Variants in DLGAP1 observed in about 807,000 individuals in gnomAD.
DLGAP1 encodes the protein DLG associated protein 1, also known as disks large-associated protein 1.
DLGAP1 carries 11 observed loss-of-function variants against 90.8 expected under a neutral mutation model. The ratio of observed to expected loss-of-function variants is 0.12; its 90% CI spans 0.08 to 0.20. The LOEUF (loss-of-function observed/expected upper bound fraction) is 0.20, where lower values mean the gene tolerates loss of function less well. DLGAP1 is among the 10% of genes least tolerant of loss of function. DLGAP1 has a pLI of 1.00. For synonymous variants in DLGAP1, 558 were observed against 540.7 expected, an observed-to-expected ratio of 1.03 and a Z score of -0.44; for missense variants, 1,050 against 1,333.8, an observed-to-expected ratio of 0.79 and a Z score of 3.31.
At chr18:3,728,543 G>A (rs2062282675) in intron 7 of DLGAP1, among the ~76,000 whole-genome samples, 1 of 151,920 alleles carries the variant, frequency 6.6e-6, no homozygotes, top group African/African-American at 2.4e-5. Context: ...GGGAAAAGGA[G>A]GTGCTATTTA....
chr18:4,034,179 T>G (rs2074850545), intron 2 of DLGAP1, among the ~76,000 whole-genome samples: 1 of 151,256 alleles, frequency 6.6e-6, no homozygotes, highest in South Asian at 2.1e-4. Flanking sequence ...GTAGCTGGGA[T>G]TACAAGCGCC....
intron 8 of DLGAP1, among the ~76,000 whole-genome samples, chr18:3,568,894 G>A (rs988067211): frequency 2.6e-5 from 4 of 151,634 alleles, no homozygotes; most frequent in Non-Finnish European, 4.4e-5. Flanking sequence ...CACTGTGTTA[G>A]CCAGGATGGT....
intron 2 of DLGAP1, among the ~76,000 whole-genome samples, chr18:4,133,010 T>C (rs1405985342): frequency 6.6e-6 from 1 of 152,172 alleles, no homozygotes; most frequent in Non-Finnish European, 1.5e-5. Context: ...TGAGACTTAC[T>C]TTCTTCATCT....
chr18:3,564,867 G>A (rs1037242635), intron 9 of DLGAP1, among the ~76,000 whole-genome samples: 1 of 152,204 alleles, frequency 6.6e-6, no homozygotes, highest in African/African-American at 2.4e-5. Flanking sequence ...TTCTCTAAGA[G>A]ATATACAAAG....
chr18:3,879,670 G>A lies in DLGAP1; in HGVS notation c.399C>T (p.Asp133=). 1 of 1,606,604 alleles carries A rather than the reference G, an allele frequency of 6.2e-7. No individual in the cohort carries two copies. The highest frequency in any genetic ancestry group is 8.5e-7 in the Non-Finnish European group (1 of 1,179,522). ...YKRTAVEHRS[D]SPGRIRHLVH... is the part of the protein sequence containing the mutation. Reference sequence around the variant, plus strand: ...CCAGGTGGCGGATGCGGCCGGGGCTGTCGCTGCGGTGCTCCACGGCCGTGC... The same window carrying A: ...CCAGGTGGCGGATGCGGCCGGGGCTATCGCTGCGGTGCTCCACGGCCGTGC... The change falls in exon 4 of 13, where the codon GAC becomes GAT. Residue 133 remains aspartate, a synonymous_variant. Transcript: ENST00000315677. This position sits in a 1 kb window ranked among gnomAD's most constrained non-coding sequence, Gnocchi z 6.6.
intron 4 of DLGAP1, among the ~76,000 whole-genome samples, chr18:3,830,147 C>G (rs1312700107): frequency 6.6e-6 from 1 of 152,190 alleles, no homozygotes; most frequent in South Asian, 2.1e-4. Context: ...AGCAAGGTGC[C>G]TGGCATGTCA....
At position 4,400,602 on chromosome 18, in the gene DLGAP1, C is replaced by T. The variant is rs565985047; in HGVS notation, c.-267+54404G>A. 6.6e-5 allele frequency among the ~76,000 whole-genome samples: 10 copies of T among 152,158 alleles called. No homozygotes were observed. In the South Asian group the frequency reaches 1.0e-3, roughly 16 times the overall value. Reference sequence around the variant, plus strand: ...CACAGAATGTTCTTTGTGGGGCTCTCGGGGGAGCAACTGGTAGACACAGCA... The same window carrying T: ...CACAGAATGTTCTTTGTGGGGCTCTTGGGGGAGCAACTGGTAGACACAGCA... On this transcript the variant is annotated intron_variant, in intron 1 of 12. Transcript: ENST00000315677.
intron 2 of DLGAP1, among the ~76,000 whole-genome samples, chr18:4,038,532 G>T (rs1025730271): frequency 1.3e-5 from 2 of 152,026 alleles, no homozygotes; most frequent in East Asian, 1.9e-4. Context: ...TATAAAGTAG[G>T]TTTATTTTTA....
chr18:3,749,261 G>A (rs148735520), intron 5 of DLGAP1, among the ~76,000 whole-genome samples: 2,946 of 148,578 alleles, frequency 0.02, 51 homozygotes, highest in Middle Eastern at 0.089. Context: ...GTGATTCTCC[G>A]CCTCAGCCTC....
intron 7 of DLGAP1, chr18:3,656,324 T>C (rs1403345550): frequency 8.4e-6 from 4 of 473,642 alleles, no homozygotes; most frequent in Non-Finnish European, 1.1e-5. Flanking sequence ...CTAAAACCAT[T>C]TGGGGAAATT....
chr18:4,180,621 A>T (rs2177009), intron 1 of DLGAP1, among the ~76,000 whole-genome samples: 1 of 151,928 alleles, frequency 6.6e-6, no homozygotes, highest in East Asian at 1.9e-4. Flanking sequence ...AAAAAGTTTC[A>T]ATACTAGTAC....
intron 1 of DLGAP1, among the ~76,000 whole-genome samples, chr18:4,272,428 G>A (rs886644968): frequency 6.6e-6 from 1 of 152,102 alleles, no homozygotes; most frequent in African/African-American, 2.4e-5. Context: ...TCACTAAATA[G>A]TATCCCTGAG....
intron 7 of DLGAP1, among the ~76,000 whole-genome samples, chr18:3,710,075 C>T (rs342480): frequency 0.64 from 96,779 of 152,100 alleles, 32,520 homozygotes; most frequent in African/African-American, 0.85. Flanking sequence ...GTGATTCTTC[C>T]TGTGTGGCTA....
chr18:4,026,733 A>G (rs904256616), intron 2 of DLGAP1, among the ~76,000 whole-genome samples: 11 of 152,210 alleles, frequency 7.2e-5, no homozygotes, highest in African/African-American at 2.2e-4. Flanking sequence ...CTGGGCTATG[A>G]AATAGTCTAT....
At chr18:4,171,506 A>G (rs897761451) in intron 1 of DLGAP1, among the ~76,000 whole-genome samples, 7 of 151,784 alleles carry the variant, frequency 4.6e-5, no homozygotes, top group South Asian at 4.2e-4. Context: ...CGAAGCTTGC[A>G]GTGAGCCGAG....
At chr18:4,114,049 C>A (rs893624657) in intron 2 of DLGAP1, among the ~76,000 whole-genome samples, 8 of 129,578 alleles carry the variant, frequency 6.2e-5, no homozygotes, top group Non-Finnish European at 1.3e-4. Flanking sequence ...TAATGTGATG[C>A]CTCTGGCTTT....
chr18:4,145,412 T>TTAAATAGAA (rs776256804), intron 2 of DLGAP1, among the ~76,000 whole-genome samples: 2 of 152,186 alleles, frequency 1.3e-5, no homozygotes, highest in Non-Finnish European at 2.9e-5. Flanking sequence ...TTATAGAATA[T>TTAAATAGAA]TAAAATAGAA....
intron 5 of DLGAP1, among the ~76,000 whole-genome samples, chr18:3,765,342 G>A (rs1466658268): frequency 6.7e-6 from 1 of 150,352 alleles, no homozygotes; most frequent in Non-Finnish European, 1.5e-5. Context: ...ATGTTAGCCA[G>A]GATGGTCTCG....
intron 6 of DLGAP1, among the ~76,000 whole-genome samples, chr18:3,730,890 A>G (rs1463117662): frequency 6.6e-6 from 1 of 152,186 alleles, no homozygotes; most frequent in Non-Finnish European, 1.5e-5. Flanking sequence ...TCCATATTAG[A>G]AAGTTATATC....
Sources: allele counts gnomAD v4.1 joint callset (sites outside exome capture counted in the v4.1 genomes callset), GRCh38; gene constraint gnomAD v4.1.1; non-coding constraint Gnocchi (gnomAD v3.1); transcripts MANE v1.5; gene names NCBI Gene and HGNC (gene_info 2026-07-23, HGNC 2026-07-21).